The following PCNT variants were observed in gnomAD, a reference collection of about 807,000 sequenced individuals.
PCNT encodes kendrin.
A neutral mutation model predicts 380.4 loss-of-function variants in PCNT; 319 were observed. The ratio of observed to expected loss-of-function variants is 0.84; its 90% CI spans 0.77 to 0.92. PCNT has a LOEUF of 0.92. Ranked by LOEUF, PCNT falls within the 40% of genes least tolerant of loss-of-function variation. The pLI, the probability that PCNT is intolerant of heterozygous loss-of-function variation, is 0.00. For synonymous variants in PCNT, 1,845 were observed against 1,735.2 expected (o/e 1.06, Z -1.57); for missense variants, 4,400 against 4,255.3 (o/e 1.03, Z -0.95).
intron 24 of PCNT, among the ~76,000 whole-genome samples, chr21:46,398,688 G>A (rs1486479201): frequency 2.0e-5 from 3 of 152,190 alleles, no homozygotes. Flanking sequence ...TGGGTGAAGC[G>A]TGCCTGTCAT....
At chr21:46,355,096 G>A (rs2084423537) in intron 11 of PCNT, among the ~76,000 whole-genome samples, 1 of 152,200 alleles carries the variant, frequency 6.6e-6, no homozygotes, top group Non-Finnish European at 1.5e-5. Context: ...GCCCTGAGAT[G>A]TGAGGCCACC....
In PCNT at chr21:46,363,871, G is replaced by A; in HGVS notation, c.2546G>A (p.Gly849Glu). The change falls in exon 14 of 47, where the codon GGG becomes GAG. Residue 849 changes from glycine (G) to glutamate (E), a missense_variant. Coordinates refer to ENST00000359568, the MANE Select transcript of PCNT (RefSeq NM_006031.6). ...CGGGAGCCGCCCACAGCCCAGGACG[G>A]GGAGCTTGCTGCGCTCCACGTGAAG... is the stretch of plus-strand genomic sequence containing the variant. ...CGREPPTAQD[G>E]ELAALHVKED... 1 of 1,612,448 alleles carries A rather than the reference G, an allele frequency of 6.2e-7. No individual in the cohort carries two copies. Among genetic ancestry groups the A allele is most frequent in the South Asian group, 1.1e-5 (1 of 91,036 alleles).
At chr21:46,427,472 C>G in intron 33 of PCNT, 150 bp from the exon 34 acceptor site, 1 of 814,002 alleles carries the variant, frequency 1.2e-6, no homozygotes, top group East Asian at 2.5e-5. Context: ...CGAGTGAGCT[C>G]TGGTGTCTCT....
Position 46,437,085 on chromosome 21 carries a change from A to G in PCNT, c.9099+4A>G. ...GAGCAGGCCCACCTCCTCCCAGGTA[A>G]GGGGTGAGCGCCCCCAGGTCCCTGG... On this transcript the variant is annotated splice_donor_region_variant and intron_variant, in intron 40 of 46. Coordinates refer to ENST00000359568, the MANE Select transcript of PCNT (RefSeq NM_006031.6). The G allele has an allele frequency of 6.2e-7, 1 of 1,608,568 alleles. No homozygotes were observed. Among genetic ancestry groups the G allele is most frequent in the Non-Finnish European group, 8.5e-7 (1 of 1,175,420 alleles).
At chr21:46,443,307 T>C (rs1325405630) in intron 44 of PCNT, 1 of 170,336 alleles carries the variant, frequency 5.9e-6, no homozygotes. Flanking sequence ...AGCCTTGAAC[T>C]CGTGGGCTCA....
intron 27 of PCNT, among the ~76,000 whole-genome samples, chr21:46,407,130 C>T (rs554666341): frequency 6.6e-6 from 1 of 152,230 alleles, no homozygotes; most frequent in Admixed American, 6.5e-5. Context: ...TTTAACATAG[C>T]TGGGATTTCT....
At chr21:46,374,878 CAG>C (rs2085285009) in intron 15 of PCNT, among the ~76,000 whole-genome samples, 1 of 146,210 alleles carries the variant, frequency 6.8e-6, no homozygotes, top group Non-Finnish European at 1.5e-5. Context: ...AAAAGTTACA[CAG>C]AGCCCTGCCA....
chr21:46,336,835 T>C (rs775882372), intron 3 of PCNT, among the ~76,000 whole-genome samples: 5 of 152,094 alleles, frequency 3.3e-5, no homozygotes, highest in African/African-American at 7.2e-5. Context: ...TAGGAATACA[T>C]ACTGATACCT....
rs1211512544 is a variant in PCNT, at chr21:46,425,534, C to T, written c.7180-297C>T. ...AGGCTTAGGCGGGGGACGGTGTCCCCCTCAGGGAGCAGGTGGAGTGGAGGA... is the reference window on the plus strand; with the variant it reads ...AGGCTTAGGCGGGGGACGGTGTCCCTCTCAGGGAGCAGGTGGAGTGGAGGA... On this transcript the variant is annotated intron_variant, in intron 32 of 46. Transcript: ENST00000359568. This position sits in a 1 kb window ranked among gnomAD's most constrained non-coding sequence, Gnocchi z 4.2. 7.2e-5 allele frequency among the ~76,000 whole-genome samples: 11 copies of T among 152,240 alleles called. No homozygotes were observed. Among genetic ancestry groups the T allele is most frequent in the Admixed American group, 6.5e-4 (10 of 15,286 alleles).
At chr21:46,430,710 C>T (rs989611097) in intron 37 of PCNT, 53 bp downstream of exon 37, 7 of 1,550,870 alleles carry the variant, frequency 4.5e-6, no homozygotes, top group Middle Eastern at 4.6e-4. Flanking sequence ...CACTGGAAGC[C>T]TGAAGCCATG....
chr21:46,332,179 C>T (rs1038549208), intron 2 of PCNT, among the ~76,000 whole-genome samples: 1 of 152,042 alleles, frequency 6.6e-6, no homozygotes. Flanking sequence ...AGAGAACCAT[C>T]CAAAAATTGC....
chr21:46,327,575 C>G (rs909229888), intron 2 of PCNT, among the ~76,000 whole-genome samples: 1 of 152,024 alleles, frequency 6.6e-6, no homozygotes, highest in African/African-American at 2.4e-5. Flanking sequence ...CCTGTTTTAT[C>G]TTTATTATGT....
intron 15 of PCNT, among the ~76,000 whole-genome samples, chr21:46,371,904 G>C (rs1281944160): frequency 2.1e-5 from 3 of 146,328 alleles, no homozygotes; most frequent in African/African-American, 7.7e-5. Flanking sequence ...CACATACACA[G>C]CACATGTGCG....
chr21:46,430,413 C>T (rs2087701049), intron 36 of PCNT, 94 bp from the exon 37 acceptor site: 1 of 1,494,250 alleles, frequency 6.7e-7, no homozygotes, highest in Non-Finnish European at 9.1e-7. Flanking sequence ...CGTGTGGGAC[C>T]TGGCAGGGCT....
chr21:46,341,889 G>C (rs1208365198), intron 3 of PCNT, among the ~76,000 whole-genome samples: 1 of 151,598 alleles, frequency 6.6e-6, no homozygotes. Flanking sequence ...ACATTCACTA[G>C]GCTGGTCTCA....
intron 21 of PCNT, among the ~76,000 whole-genome samples, chr21:46,392,810 C>T (rs1027291304): frequency 6.6e-6 from 1 of 152,138 alleles, no homozygotes; most frequent in Admixed American, 6.5e-5. Context: ...CTCGTTTATC[C>T]CGTTCTATTT....
intron 26 of PCNT, 88 bp from the exon 27 acceptor site, chr21:46,402,243 C>A: frequency 1.1e-6 from 1 of 919,218 alleles, no homozygotes; most frequent in Non-Finnish European, 1.6e-6. Flanking sequence ...TTAAATATCT[C>A]AAAGCTATTT....
At chr21:46,404,488 G>A (rs1947287788) in intron 27 of PCNT, among the ~76,000 whole-genome samples, 1 of 152,202 alleles carries the variant, frequency 6.6e-6, no homozygotes. Flanking sequence ...GGCGAGGTAC[G>A]CCACTCCCTG....
At position 46,349,747 on chromosome 21, in the gene PCNT, A is replaced by T; in HGVS notation, c.1271A>T (p.Gln424Leu). The T allele has an allele frequency of 6.2e-7, 1 of 1,613,928 alleles. No individual in the cohort carries two copies. Among genetic ancestry groups the T allele is most frequent in the East Asian group, 2.2e-5 (1 of 44,882 alleles). Reference protein sequence around the residue: ...AAIEKLREDLQSEHGRCLEDL... With the variant: ...AAIEKLREDLLSEHGRCLEDL... ...ATTGAGAAGTTACGTGAAGACCTGCAGTCCGAGCACGGCCGGTGTTTAGAA... is the reference window on the plus strand; with the variant it reads ...ATTGAGAAGTTACGTGAAGACCTGCTGTCCGAGCACGGCCGGTGTTTAGAA... Residue 424 changes from glutamine to leucine, a missense_variant, in exon 8 of 47, where the codon CAG (glutamine) becomes CTG (leucine). Coordinates refer to ENST00000359568, the MANE Select transcript of PCNT (RefSeq NM_006031.6).
Sources: allele counts gnomAD v4.1 joint callset (sites outside exome capture counted in the v4.1 genomes callset), GRCh38; gene constraint gnomAD v4.1.1; non-coding constraint Gnocchi (gnomAD v3.1); transcripts MANE v1.5; gene names NCBI Gene and HGNC (gene_info 2026-07-23, HGNC 2026-07-21).